VAT1L: variants seen among roughly 807,000 people sequenced by gnomAD.
The protein encoded by VAT1L is putative NADPH-dependent quinone oxidoreductase VAT1L.
In VAT1L, 34 loss-of-function variants were observed where a neutral mutation model predicts 44.1. That is an observed-to-expected ratio of 0.77 (90% CI 0.59 to 1.03). The LOEUF (loss-of-function observed/expected upper bound fraction) is 1.03. VAT1L is among the 50% of genes least tolerant of loss of function. VAT1L has a pLI of 0.00. For synonymous variants in VAT1L, 253 were observed against 202.2 expected (o/e 1.25, Z -2.13); for missense variants, 615 against 538.8 (o/e 1.14, Z -1.40).
intron 7 of VAT1L, among the ~76,000 whole-genome samples, chr16:77,914,531 T>C (rs2017531740): frequency 6.6e-6 from 1 of 152,044 alleles, no homozygotes; most frequent in Admixed American, 6.5e-5. Context: ...TGGAAAAAAA[T>C]GTAAATAACG....
intron 7 of VAT1L, among the ~76,000 whole-genome samples, chr16:77,938,366 A>T (rs1021372815): frequency 6.6e-6 from 1 of 152,224 alleles, no homozygotes; most frequent in Non-Finnish European, 1.5e-5. Flanking sequence ...TGTCAAAAAA[A>T]TCTGTTTTCT....
rs755178533 is a variant in VAT1L, at chr16:77,879,124, C to T, written c.827-45C>T. On this transcript the variant is annotated intron_variant, in intron 5 of 8. Coordinates refer to ENST00000302536, the MANE Select transcript of VAT1L (RefSeq NM_020927.3). The surrounding 1 kb of genome is among the most constrained non-coding windows in gnomAD (Gnocchi z 4.1). ...TTTTTCATGCATAACAAGAGATGTCCATTTTCATTAGCAATTGCTTAATGT... is the reference window on the plus strand; with the variant it reads ...TTTTTCATGCATAACAAGAGATGTCTATTTTCATTAGCAATTGCTTAATGT... 3.8e-6 allele frequency: 6 copies of T among 1,593,162 alleles called. No homozygotes were observed. The highest frequency in any genetic ancestry group is 5.2e-6 in the Non-Finnish European group (6 of 1,161,416).
chr16:77,959,957 T>C (rs2018144214), intron 7 of VAT1L, among the ~76,000 whole-genome samples: 1 of 152,042 alleles, frequency 6.6e-6, no homozygotes, highest in Non-Finnish European at 1.5e-5. Flanking sequence ...TCCTGTCACA[T>C]TCCACTTCCT....
intron 8 of VAT1L, among the ~76,000 whole-genome samples, chr16:77,976,933 T>C (rs2018346909): frequency 6.6e-6 from 1 of 152,142 alleles, no homozygotes; most frequent in South Asian, 2.1e-4. Context: ...TACACCTTTG[T>C]TCTGGTTGTT....
At position 77,904,467 on chromosome 16, in the gene VAT1L, T is replaced by C. The variant is rs370975372; in HGVS notation, c.1077+19665T>C. ...TTTGGTTCCTGGTAAGGGCTGTCTC[T>C]GGCTTGTGGACAGCCACCCTCTCAC... is the stretch of plus-strand genomic sequence containing the variant. On this transcript the variant is annotated intron_variant, in intron 7 of 8. Transcript: ENST00000302536. Among the ~76,000 whole-genome samples, 55 of 152,316 alleles carry C rather than the reference T, an allele frequency of 3.6e-4. 1 individual carries two copies. In the South Asian group the frequency reaches 9.1e-3, roughly 25 times the overall value.
At chr16:77,804,910 G>A (rs1165201004) in intron 1 of VAT1L, among the ~76,000 whole-genome samples, 2 of 152,214 alleles carry the variant, frequency 1.3e-5, no homozygotes, top group Non-Finnish European at 2.9e-5. Context: ...CACTACTAAT[G>A]TAAAGTGGTA....
At chr16:77,842,457 A>G (rs1191986883) in intron 3 of VAT1L, among the ~76,000 whole-genome samples, 1 of 152,230 alleles carries the variant, frequency 6.6e-6, no homozygotes. Flanking sequence ...CAATGACAGA[A>G]CCAACGAAAG....
intron 7 of VAT1L, among the ~76,000 whole-genome samples, chr16:77,943,303 C>T (rs1045656503): frequency 1.3e-4 from 19 of 151,504 alleles, no homozygotes; most frequent in Admixed American, 8.6e-4. Context: ...GTGATCCACC[C>T]GCCTCAGCCT....
intron 7 of VAT1L, among the ~76,000 whole-genome samples, chr16:77,931,075 T>G (rs1224796927): frequency 6.6e-6 from 1 of 152,216 alleles, no homozygotes. Context: ...AGTCAGTTAG[T>G]GGTGGACCTG....
intron 7 of VAT1L, among the ~76,000 whole-genome samples, chr16:77,902,987 AAAAG>A (rs2017400644): frequency 2.0e-5 from 3 of 151,480 alleles, no homozygotes; most frequent in Non-Finnish European, 4.4e-5. Flanking sequence ...AAAAAAAAAA[AAAAG>A]AAAGAAAAAA....
intron 7 of VAT1L, 23 bp from the exon 8 acceptor site, chr16:77,971,827 C>T (rs773535227): frequency 6.2e-7 from 1 of 1,609,108 alleles, no homozygotes; most frequent in African/African-American, 1.3e-5. Flanking sequence ...ACCAGCACCT[C>T]TGTTTCTCAC....
intron 3 of VAT1L, among the ~76,000 whole-genome samples, chr16:77,842,583 A>G (rs779854345): frequency 1.2e-4 from 18 of 152,226 alleles, no homozygotes; most frequent in Non-Finnish European, 2.6e-4. Context: ...AAAGCCCAGG[A>G]GAACATGATA....
intron 7 of VAT1L, among the ~76,000 whole-genome samples, chr16:77,944,230 A>C (rs113166871): frequency 7.9e-5 from 12 of 152,276 alleles, no homozygotes; most frequent in African/African-American, 2.9e-4. Flanking sequence ...GCCAAGAATA[A>C]AAAACCCTGC....
intron 8 of VAT1L, among the ~76,000 whole-genome samples, chr16:77,975,752 A>T (rs957920870): frequency 6.6e-6 from 1 of 152,212 alleles, no homozygotes; most frequent in Admixed American, 6.5e-5. Flanking sequence ...AACTCATCCT[A>T]TGATGTGTCA....
At chr16:77,838,216 C>T (rs906072006) in intron 3 of VAT1L, among the ~76,000 whole-genome samples, 1 of 152,202 alleles carries the variant, frequency 6.6e-6, no homozygotes, top group Admixed American at 6.5e-5. Flanking sequence ...GTTTATATGA[C>T]TCTGGGGACC....
chr16:77,922,579 C>T (rs921914466), intron 7 of VAT1L, among the ~76,000 whole-genome samples: 11 of 152,078 alleles, frequency 7.2e-5, no homozygotes, highest in Admixed American at 5.9e-4. Flanking sequence ...GTGACATGTG[C>T]CAGCAAGGAC....
At chr16:77,927,202 GTGGCGGGC>G (rs2142498935) in intron 7 of VAT1L, among the ~76,000 whole-genome samples, 1 of 152,054 alleles carries the variant, frequency 6.6e-6, no homozygotes, top group South Asian at 2.1e-4. Context: ...GCCAGGTGTG[GTGGCGGGC>G]ACCTGTAGTC....
intron 1 of VAT1L, among the ~76,000 whole-genome samples, chr16:77,795,138 C>G (rs1350431376): frequency 1.3e-5 from 2 of 152,140 alleles, no homozygotes; most frequent in Non-Finnish European, 2.9e-5. Context: ...TGTCTTTTCT[C>G]TCCATTTTGT....
chr16:77,892,804 C>A (rs2142468671), intron 7 of VAT1L: 2 of 808,838 alleles, frequency 2.5e-6, no homozygotes, highest in South Asian at 1.3e-5. Flanking sequence ...AGCATGTGGT[C>A]TTTGACAAGG....
Sources: allele counts gnomAD v4.1 joint callset (sites outside exome capture counted in the v4.1 genomes callset), GRCh38; gene constraint gnomAD v4.1.1; non-coding constraint Gnocchi (gnomAD v3.1); transcripts MANE v1.5; gene names NCBI Gene and HGNC (gene_info 2026-07-23, HGNC 2026-07-21).